SYNPO: variants seen among roughly 807,000 people sequenced by gnomAD.
The protein encoded by SYNPO is synaptopodin.
A neutral mutation model predicts 49.5 loss-of-function variants in SYNPO; 19 were observed. That is an observed-to-expected ratio of 0.38 (90% CI 0.27 to 0.56). SYNPO has a LOEUF of 0.56. SYNPO is among the 20% of genes least tolerant of loss of function. The pLI, the probability that SYNPO is intolerant of heterozygous loss-of-function variation, is 0.68. For missense variants in SYNPO, 1,131 were observed against 1,248.3 expected (o/e 0.91, Z 1.42); for synonymous variants, 536 against 548.0 (o/e 0.98, Z 0.31).
intron 2 of SYNPO, among the ~76,000 whole-genome samples, chr5:150,633,648 C>A (rs1757613745): frequency 6.6e-6 from 1 of 152,208 alleles, no homozygotes; most frequent in Non-Finnish European, 1.5e-5. Flanking sequence ...TGGCTAGGAG[C>A]CAATGAACCA....
chr5:150,642,382 G>C (rs1343748786), intron 1 of SYNPO, among the ~76,000 whole-genome samples: 1 of 152,202 alleles, frequency 6.6e-6, no homozygotes, highest in Non-Finnish European at 1.5e-5. Flanking sequence ...TAAAGGGCTA[G>C]CACCCCAACT....
In SYNPO at chr5:150,612,308, C is replaced by A. The variant is rs74965771; in HGVS notation, c.-265-5795C>A. Among the ~76,000 whole-genome samples the A allele has an allele frequency of 4.9e-3, 751 of 152,320 alleles. 3 individuals carry two copies. Among genetic ancestry groups the A allele is most frequent in the African/African-American group, 0.017 (723 of 41,554 alleles). On this transcript the variant is annotated intron_variant, in intron 1 of 2. Transcript: ENST00000394243. The stretch of plus-strand genomic sequence containing the variant: ...ATGCCTCCGTTTTGCTCCTAGGTTA[C>A]ACCTACAGTCAATCTCCTGGCCACC...
At position 150,618,675 on chromosome 5, in the gene SYNPO, G is replaced by A. The variant is rs759598908; in HGVS notation, c.308G>A (p.Arg103Lys). 9.0e-6 allele frequency: 14 copies of A among 1,551,188 alleles called. No homozygotes were observed. The South Asian group carries it at 1.3e-4, about 14-fold the overall frequency. The stretch of plus-strand genomic sequence containing the variant: ...CAAGGGGCGTCCCAGCACGACGACA[G>A]GGCCAGCCAGGACTGGGATGTAGTG... The change falls in exon 2 of 3, where the codon AGG becomes AAG. Residue 103 changes from arginine to lysine, a missense_variant. By Grantham distance (26) the Arg-to-Lys change is conservative. Coordinates refer to the SYNPO transcript ENST00000394243.
At chr5:150,607,689 C>G (rs1027803492) in intron 1 of SYNPO, among the ~76,000 whole-genome samples, 4 of 152,016 alleles carry the variant, frequency 2.6e-5, no homozygotes, top group African/African-American at 9.7e-5. Flanking sequence ...GGAGACCAGC[C>G]CTCCTGACTG....
At chr5:150,651,085 C>G (rs1285085279) in intron 2 of SYNPO, 2 of 1,134,686 alleles carry the variant, frequency 1.8e-6, no homozygotes, top group Admixed American at 4.9e-5. Context: ...TGTCACCGCT[C>G]TAGGGGTGGG....
chr5:150,640,640 G>T (rs1757869620), upstream of SYNPO: 1 of 985,454 alleles, frequency 1.0e-6, no homozygotes, highest in Non-Finnish European at 1.2e-6. Flanking sequence ...TTAAAAGGCT[G>T]TTGCAAAATC....
rs1758655841 is a variant in SYNPO, at chr5:150,658,668, T to G, written c.*1581T>G. On this transcript the variant is annotated 3_prime_UTR_variant, in exon 3 of 3. Transcript: ENST00000307662. The stretch of plus-strand genomic sequence containing the variant: ...AGGTGAAAGGATACCAGGATGTTGC[T>G]AAAGGTGAGGGACAGTTTGGGTTTG... 2 of 152,420 alleles carry G rather than the reference T, an allele frequency of 1.3e-5. No homozygotes were observed. The highest frequency in any genetic ancestry group is 4.8e-5 in the African/African-American group (2 of 41,416). The allele number at this position is 152,420 out of a possible 1,614,324, so 9.4% of individuals were successfully genotyped here. A position where few individuals can be genotyped will look rare whatever the true frequency, so the allele number is the denominator to read the frequency against.
At chr5:150,588,615 G>A in the SYNPO span, among the ~76,000 whole-genome samples, 2 of 152,062 alleles carry the variant, frequency 1.3e-5, no homozygotes, top group African/African-American at 2.4e-5. Context: ...CTAGGAGAGT[G>A]GGGGAGAAAA....
chr5:150,642,422 G>C (rs1030438403), intron 1 of SYNPO, among the ~76,000 whole-genome samples: 2 of 152,184 alleles, frequency 1.3e-5, no homozygotes, highest in East Asian at 3.9e-4. Context: ...GTGGGGAGGC[G>C]GTGGGGACAT....
exon 1 of SYNPO, chr5:150,601,098 A>AGGCGGGCAGGC (rs1756514464): frequency 2.0e-5 from 3 of 152,486 alleles, no homozygotes; most frequent in Non-Finnish European, 2.9e-5. Context: ...AGTGAGGAGC[A>AGGCGGGCAGGC]GGCGGGCAGG....
intron 2 of SYNPO, among the ~76,000 whole-genome samples, chr5:150,626,345 TG>T (rs1463567198): frequency 6.6e-6 from 1 of 152,236 alleles, no homozygotes; most frequent in African/African-American, 2.4e-5. Context: ...TAGGAGATCT[TG>T]GTCTGGTTCC....
Position 150,656,610 on chromosome 5 carries a change from G to C in SYNPO, c.2235G>C (p.Glu745Asp). 1 of 1,513,814 alleles carries C rather than the reference G, an allele frequency of 6.6e-7. No individual in the cohort carries two copies. Among genetic ancestry groups the C allele is most frequent in the Non-Finnish European group, 8.8e-7 (1 of 1,138,570 alleles). 93.8% of individuals were successfully genotyped at this position (1,513,814 alleles called of 1,614,324 possible). Reference protein sequence around the residue: ...RSVSPLRPETEARPPSRQLQA... With the variant: ...RSVSPLRPETDARPPSRQLQA... ...TGTCCCCGCTGCGACCTGAGACCGA[G>C]GCGCGGCCCCCCAGCCGCCAGCTGC... Residue 745 changes from glutamate (E) to aspartate (D), a missense_variant, in exon 3 of 3, where the codon GAG becomes GAC. Physicochemically the swap from Glu to Asp is conservative, Grantham distance 45. Coordinates refer to ENST00000307662, the MANE Select transcript of SYNPO (RefSeq NM_007286.6).
At chr5:150,641,943 G>T (rs1581499569) in intron 1 of SYNPO, among the ~76,000 whole-genome samples, 1 of 152,188 alleles carries the variant, frequency 6.6e-6, no homozygotes, top group African/African-American at 2.4e-5. Context: ...CAGAGTCCTA[G>T]TCTGGAAGGA....
At chr5:150,609,078 G>T (rs915246037) in intron 1 of SYNPO, among the ~76,000 whole-genome samples, 2 of 152,170 alleles carry the variant, frequency 1.3e-5, no homozygotes, top group African/African-American at 4.8e-5. Flanking sequence ...AGAAAAAAAA[G>T]CTTTGATTTG....
chr5:150,595,382 T>G, the SYNPO span, among the ~76,000 whole-genome samples: 1 of 152,240 alleles, frequency 6.6e-6, no homozygotes, highest in East Asian at 1.9e-4. Flanking sequence ...TGTTCTTCCC[T>G]GAAGGGAAAC....
At chr5:150,589,031 C>T in the SYNPO span, among the ~76,000 whole-genome samples, 7 of 151,790 alleles carry the variant, frequency 4.6e-5, no homozygotes, top group African/African-American at 1.7e-4. Context: ...GTACTATACA[C>T]ACCATTCTCT....
chr5:150,650,705 G>A, intron 2 of SYNPO: 2 of 1,373,300 alleles, frequency 1.5e-6, no homozygotes, highest in Non-Finnish European at 1.9e-6. Flanking sequence ...GATCCTAACA[G>A]GGACTTCTGG....
intron 1 of SYNPO, chr5:150,608,583 C>T (rs2151345882): frequency 6.6e-6 from 1 of 152,106 alleles, no homozygotes; most frequent in African/African-American, 2.4e-5. Context: ...TCCTGAAACC[C>T]CAGGAGTTAA....
At chr5:150,597,646 T>C (rs1032220847), upstream of SYNPO, among the ~76,000 whole-genome samples, 3 of 150,694 alleles carry the variant, frequency 2.0e-5, no homozygotes, top group African/African-American at 7.4e-5. Flanking sequence ...GTTTTTCTGG[T>C]TTTTGTTTTT....
Sources: gnomAD v4.1 joint callset for allele counts (sites outside exome capture counted in the v4.1 genomes callset) on GRCh38, gnomAD v4.1.1 for gene constraint, MANE v1.5 for transcripts, NCBI Gene and HGNC (gene_info 2026-07-23, HGNC 2026-07-21) for gene names.